The following RHCG variants were observed in gnomAD, a reference collection of about 807,000 sequenced individuals.
RHCG encodes ammonium transporter Rh type C.
In RHCG, 39 loss-of-function variants were observed where a neutral mutation model predicts 55.3. That is an observed-to-expected ratio of 0.70 (90% CI 0.55 to 0.92). The LOEUF is 0.92. RHCG is among the 40% of genes least tolerant of loss of function. RHCG has a pLI of 0.00. For synonymous variants in RHCG, 250 were observed against 246.8 expected (o/e 1.01, Z -0.12); for missense variants, 635 against 627.9 (o/e 1.01, Z -0.12).
chr15:89,487,640 C>T (rs982794681), intron 1 of RHCG, among the ~76,000 whole-genome samples: 7 of 152,138 alleles, frequency 4.6e-5, no homozygotes, highest in South Asian at 2.1e-4. Context: ...ATTTGGACCC[C>T]GGTTACTCCA....
rs1961386219 is a variant in RHCG at position 89,486,992 on chromosome 15, G to A, written c.185-7C>T. 1 of 1,581,724 alleles carries A rather than the reference G, an allele frequency of 6.3e-7. No individual in the cohort carries two copies. The highest frequency in any genetic ancestry group is 8.6e-7 in the Non-Finnish European group (1 of 1,158,450). The stretch of plus-strand genomic sequence containing the variant: ...ACGTGCACGTCCTGGAAGCCTGCGG[G>A]GACAGTGCAGCCCGGGACTCGGTGG... On this transcript the variant is annotated splice_region_variant and splice_polypyrimidine_tract_variant and intron_variant, in intron 1 of 10. Transcript: ENST00000268122.
chr15:89,480,403 C>T lies in RHCG; in HGVS notation c.528G>A (p.Lys176=), dbSNP rs1961245184. The part of the protein sequence containing the change: ...EFILLNLLKV[K]DAGGSMTIHT... ...GGATGGTCATGGAGCCTCCTGCATC[C>T]TTCACCTGGGGTGCAAGGGGCCTGT... is the stretch of plus-strand genomic sequence containing the variant. Residue 176 remains lysine, a synonymous_variant, in exon 4 of 11, where the codon AAG becomes AAA. Transcript: ENST00000268122. 6.2e-7 allele frequency: 1 copy of T among 1,612,994 alleles called. No homozygotes were observed. The highest frequency in any genetic ancestry group is 8.5e-7 in the Non-Finnish European group (1 of 1,179,202).
In RHCG at chr15:89,486,847, C is replaced by A. The variant is rs777692983; in HGVS notation, c.323G>T (p.Gly108Val). The A allele has an allele frequency of 1.9e-6, 3 of 1,610,390 alleles. No homozygotes were observed. The highest frequency in any genetic ancestry group is 2.5e-6 in the Non-Finnish European group (3 of 1,177,096). Residue 108 changes from glycine (G) to valine (V), a missense_variant, in exon 2 of 11, where the codon GGC (glycine) becomes GTC (valine). Coordinates refer to ENST00000268122, the MANE Select transcript of RHCG (RefSeq NM_016321.3). The part of the protein sequence containing the change: ...FGIQWALLMQ[G>V]WFHFLQDRYI... ...GCGGTCTTGTAAGAAGTGGAACCAGCCCTGCATGAGCAGCGCCCACTGGAT... is the reference window on the plus strand; with the variant it reads ...GCGGTCTTGTAAGAAGTGGAACCAGACCTGCATGAGCAGCGCCCACTGGAT...
chr15:89,485,364 A>G (rs191480939), intron 2 of RHCG, among the ~76,000 whole-genome samples: 73 of 152,310 alleles, frequency 4.8e-4, no homozygotes, highest in Non-Finnish European at 1.6e-4. Flanking sequence ...AAACAAAAAG[A>G]CTTGTTTACT....
intron 5 of RHCG, among the ~76,000 whole-genome samples, chr15:89,478,586 G>T (rs1961201795): frequency 6.6e-6 from 1 of 152,194 alleles, no homozygotes; most frequent in Non-Finnish European, 1.5e-5. Context: ...GATCCAGGTT[G>T]TGTGGCCCCA....
At position 89,477,955 on chromosome 15, in the gene RHCG, G is replaced by C. The variant is rs572567095; in HGVS notation, c.857C>G (p.Thr286Arg). ...KLDMVHIQNA[T>R]LAGGVAVGTA... is the part of the protein sequence containing the mutation. Reference sequence around the variant, plus strand: ...ACCCACGGCCACCCCTCCTGCGAGCGTGGCATTCTGGATGTGCACCTGGGC... The same window carrying C: ...ACCCACGGCCACCCCTCCTGCGAGCCTGGCATTCTGGATGTGCACCTGGGC... Residue 286 changes from threonine (T) to arginine (R), a missense_variant, in exon 6 of 11, where the codon ACG becomes AGG. Physicochemically the swap from Thr to Arg is moderately conservative, Grantham distance 71. Coordinates refer to ENST00000268122, the MANE Select transcript of RHCG (RefSeq NM_016321.3). This position sits in a 1 kb window ranked among gnomAD's most constrained non-coding sequence, Gnocchi z 4.5. 2 of 1,609,154 alleles carry C rather than the reference G, an allele frequency of 1.2e-6. No homozygotes were observed. The highest frequency in any genetic ancestry group is 1.1e-5 in the South Asian group (1 of 90,640).
rs199512977 is a variant in RHCG, at chr15:89,477,866, T to C, written c.946A>G (p.Ile316Val). 3.0e-5 allele frequency: 49 copies of C among 1,613,816 alleles called. No individual in the cohort carries two copies. The highest frequency in any genetic ancestry group is 1.6e-4 in the Middle Eastern group (1 of 6,082). ...AGGTATACAAAACCCAGGGTGGAGA[T>C]GATGCCGCAGACGAAGCCGATGATG... Reference protein sequence around the residue: ...ALIIGFVCGIISTLGFVYLTP... With the variant: ...ALIIGFVCGIVSTLGFVYLTP... Residue 316 changes from isoleucine to valine, a missense_variant, in exon 6 of 11, where the codon ATC becomes GTC. Ile to Val is a conservative substitution (Grantham distance 29). Coordinates refer to ENST00000268122, the MANE Select transcript of RHCG (RefSeq NM_016321.3). The surrounding 1 kb of genome is among the most constrained non-coding windows in gnomAD (Gnocchi z 4.5).
Position 89,479,543 on chromosome 15 carries a change from C to A in RHCG, c.671-55G>T, listed in dbSNP as rs879123660. ...CGGGAGGAGAGGCATTAGATACAGC[C>A]CCACAGCTCAGGCAGGCATCCTGTC... On this transcript the variant is annotated intron_variant, in intron 4 of 10. Transcript: ENST00000268122. The A allele has an allele frequency of 7.3e-6, 11 of 1,502,162 alleles. No homozygotes were observed. In the South Asian group the frequency reaches 1.4e-4, roughly 19 times the overall value. 93.1% of individuals were successfully genotyped at this position (1,502,162 alleles called of 1,614,324 possible).
chr15:89,480,397 T>C lies in RHCG; in HGVS notation c.534A>G (p.Ala178=). 6.2e-7 allele frequency: 1 copy of C among 1,613,480 alleles called. No homozygotes were observed. The highest frequency in any genetic ancestry group is 1.1e-5 in the South Asian group (1 of 91,022). The part of the protein sequence containing the change: ...ILLNLLKVKD[A]GGSMTIHTFG... Reference sequence around the variant, plus strand: ...ATGTGTGGATGGTCATGGAGCCTCCTGCATCCTTCACCTGGGGTGCAAGGG... The same window carrying C: ...ATGTGTGGATGGTCATGGAGCCTCCCGCATCCTTCACCTGGGGTGCAAGGG... Residue 178 remains alanine, a synonymous_variant, in exon 4 of 11, where the codon GCA becomes GCG. Transcript: ENST00000268122.
chr15:89,479,795 C>T, intron 4 of RHCG: 1 of 422,208 alleles, frequency 2.4e-6, no homozygotes, highest in East Asian at 4.5e-5. Context: ...AGATCCTCCA[C>T]ATGGCACTGC....
chr15:89,478,064 G>T, intron 5 of RHCG, 90 bp from the exon 6 acceptor site: 1 of 1,480,956 alleles, frequency 6.8e-7, no homozygotes, highest in South Asian at 1.3e-5. Context: ...GTGCAAGGGT[G>T]CAGCCTGGCT....
At chr15:89,473,391 T>A (rs1401044244) in intron 9 of RHCG, among the ~76,000 whole-genome samples, 1 of 152,096 alleles carries the variant, frequency 6.6e-6, no homozygotes, top group Non-Finnish European at 1.5e-5. Flanking sequence ...CCATCTGTGG[T>A]CCTGGGGAAC....
Position 89,471,562 on chromosome 15 carries a change from C to T in RHCG, c.*318G>A, listed in dbSNP as rs1343761048. On this transcript the variant is annotated 3_prime_UTR_variant, in exon 11 of 11. Coordinates refer to ENST00000268122, the MANE Select transcript of RHCG (RefSeq NM_016321.3). ...GTGGTGACTGGCAGCTAAGTTGTCT[C>T]CTGGGAGAGCTCAGGTTCACCCACC... 6.6e-6 allele frequency: 1 copy of T among 152,544 alleles called. No homozygotes were observed. Among genetic ancestry groups the T allele is most frequent in the African/African-American group, 2.4e-5 (1 of 41,450 alleles). The allele number at this position is 152,544 out of a possible 1,614,324, so 9.4% of individuals were successfully genotyped here. A position where few individuals can be genotyped will look rare whatever the true frequency, so the allele number is the denominator to read the frequency against.
Position 89,480,270 on chromosome 15 carries a change from C to G in RHCG, c.661G>C (p.Ala221Pro), listed in dbSNP as rs1269493143. The G allele has an allele frequency of 6.2e-7, 1 of 1,614,070 alleles. No homozygotes were observed. Among genetic ancestry groups the G allele is most frequent in the Non-Finnish European group, 8.5e-7 (1 of 1,179,962 alleles). Residue 221 changes from alanine (A) to proline (P), a missense_variant, in exon 4 of 11, where the codon GCC becomes CCC. Ala to Pro is a conservative substitution (Grantham distance 27, BLOSUM62 -1). Transcript: ENST00000268122. ...QNSVYQSDLF[A>P]MIGTLFLWMY... ...TGATGGCAGTTCTCACCAATCATGG[C>G]AAAGAGGTCCGACTGGTACACAGAA...
At chr15:89,483,286 T>A in intron 2 of RHCG, 69 bp from the exon 3 acceptor site, 1 of 1,393,348 alleles carries the variant, frequency 7.2e-7, no homozygotes, top group South Asian at 1.6e-5. Flanking sequence ...CCCTGGACTT[T>A]GGTCATATAT....
Position 89,496,573 on chromosome 15 carries a change from G to C in RHCG, c.-29C>G. The C allele has an allele frequency of 6.3e-7, 1 of 1,597,728 alleles. No homozygotes were observed. ...GCAGGGGTGCCTGGCCGGGCTGGCA[G>C]CGGGCGGTTCGGACGCTCGGAGGCC... On this transcript the variant is annotated 5_prime_UTR_variant, in exon 1 of 11. Transcript: ENST00000268122.
chr15:89,487,105 G>T, intron 1 of RHCG, 120 bp from the exon 2 acceptor site: 1 of 931,766 alleles, frequency 1.1e-6, no homozygotes, highest in Non-Finnish European at 1.5e-6. Flanking sequence ...GCGTCTCCCT[G>T]CTCCACCATC....
chr15:89,480,103 A>G (rs933991760), intron 4 of RHCG, among the ~76,000 whole-genome samples, 158 bp downstream of exon 4: 4 of 152,158 alleles, frequency 2.6e-5, no homozygotes, highest in African/African-American at 7.2e-5. Flanking sequence ...CCTTCCCCCA[A>G]AAAGAACTGG....
intron 5 of RHCG, 133 bp from the exon 6 acceptor site, chr15:89,478,107 C>A: frequency 8.4e-7 from 1 of 1,193,444 alleles, no homozygotes; most frequent in Non-Finnish European, 1.1e-6. Flanking sequence ...GAGTTCACCT[C>A]AGCAAGCCAG....
Sources: gnomAD v4.1 joint callset for allele counts (sites outside exome capture counted in the v4.1 genomes callset) on GRCh38, gnomAD v4.1.1 for gene constraint, Gnocchi (gnomAD v3.1) non-coding constraint, MANE v1.5 for transcripts, NCBI Gene and HGNC (gene_info 2026-07-23, HGNC 2026-07-21) for gene names.